The following TCERG1L variants were observed in gnomAD, a reference collection of about 807,000 sequenced individuals.
TCERG1L encodes the protein transcription elongation regulator 1-like protein.
A neutral mutation model predicts 56.3 loss-of-function variants in TCERG1L; 37 were observed. The ratio of observed to expected loss-of-function variants is 0.66; its 90% confidence interval spans 0.51 to 0.87. TCERG1L has a LOEUF of 0.87. Among genes scored for constraint, TCERG1L ranks in the 40% least tolerant of loss-of-function variants. The probability of loss-of-function intolerance (pLI) is 0.00; values close to 1 mark genes in which losing one functional copy is unlikely to be tolerated. For synonymous variants in TCERG1L, 324 were observed against 326.3 expected, an observed-to-expected ratio of 0.99 and a Z score of 0.08; for missense variants, 799 against 774.2, an observed-to-expected ratio of 1.03 and a Z score of -0.38.
chr10:131,223,474 C>G (rs1198331382), intron 4 of TCERG1L, among the ~76,000 whole-genome samples: 1 of 152,166 alleles, frequency 6.6e-6, no homozygotes, highest in Non-Finnish European at 1.5e-5. Flanking sequence ...TTTGGGTCCA[C>G]CCTTTCCTAT....
chr10:131,288,222 C>T (rs1053551096), intron 3 of TCERG1L, among the ~76,000 whole-genome samples: 3 of 152,184 alleles, frequency 2.0e-5, no homozygotes, highest in Admixed American at 2.0e-4. Flanking sequence ...CTCCCCCCAA[C>T]TCTCTAAGGA....
In TCERG1L at chr10:131,166,817, C is replaced by T; in HGVS notation, c.925G>A (p.Asp309Asn). 6.2e-7 allele frequency: 1 copy of T among 1,613,940 alleles called. No homozygotes were observed. The highest frequency in any genetic ancestry group is 8.5e-7 in the Non-Finnish European group (1 of 1,179,904). The change falls in exon 5 of 12, where the codon GAT becomes AAT. Residue 309 changes from aspartate to asparagine, a missense_variant. By Grantham distance (23) the Asp-to-Asn change is conservative. Coordinates refer to ENST00000368642, the MANE Select transcript of TCERG1L (RefSeq NM_174937.4). ...CTGACCTTGTCTTCTTTGTCTCCATCCCGGCTCTTCTGGGCCCGCAGCATC... is the reference window on the plus strand; with the variant it reads ...CTGACCTTGTCTTCTTTGTCTCCATTCCGGCTCTTCTGGGCCCGCAGCATC... ...ALMLRAQKSR[D>N]GDKEDKEPPP...
At chr10:131,248,292 C>T (rs1183367578) in intron 4 of TCERG1L, among the ~76,000 whole-genome samples, 1 of 152,156 alleles carries the variant, frequency 6.6e-6, no homozygotes, top group Non-Finnish European at 1.5e-5. Flanking sequence ...CACACACACA[C>T]ACACGACACA....
intron 4 of TCERG1L, among the ~76,000 whole-genome samples, chr10:131,220,814 G>C (rs572575009): frequency 6.6e-6 from 1 of 152,354 alleles, no homozygotes; most frequent in South Asian, 2.1e-4. Context: ...GGGGGTGGGG[G>C]TGGAGAGCAG....
chr10:131,095,945 G>A (rs1345444646), intron 11 of TCERG1L, among the ~76,000 whole-genome samples: 1 of 152,202 alleles, frequency 6.6e-6, no homozygotes, highest in Admixed American at 6.5e-5. Context: ...ATGGGAAGGG[G>A]AGTATGTGGC....
rs1179630343 is a variant in TCERG1L, at chr10:131,311,539, G to A, written c.97C>T (p.Pro33Ser). 1.7e-6 allele frequency: 2 copies of A among 1,194,106 alleles called. No homozygotes were observed. Among genetic ancestry groups the A allele is most frequent in the Admixed American group, 4.3e-5 (1 of 23,092 alleles). 74.0% of individuals were successfully genotyped at this position (1,194,106 alleles called of 1,614,324 possible). A position where few individuals can be genotyped will look rare whatever the true frequency, so the allele number is the denominator to read the frequency against. The change falls in exon 1 of 12, where the codon CCG (proline) becomes TCG (serine). Residue 33 changes from proline to serine, a missense_variant. Coordinates refer to ENST00000368642, the MANE Select transcript of TCERG1L (RefSeq NM_174937.4). This position sits in a 1 kb window ranked among gnomAD's most constrained non-coding sequence, Gnocchi z 4.0. ...CAGACCCAGGGCGGCGGCGGCGGCG[G>A]CTCTGCGTCCATCGGCCAGAGGAGA... The part of the protein sequence containing the change: ...QPLLWPMDAE[P>S]PPPPPWVWMV...
chr10:131,224,863 C>G (rs1412921275), intron 4 of TCERG1L, among the ~76,000 whole-genome samples: 2 of 151,664 alleles, frequency 1.3e-5, no homozygotes, highest in Non-Finnish European at 2.9e-5. Flanking sequence ...ACACTTTATA[C>G]TCTAATTAGC....
chr10:131,096,113 C>T (rs192899326), intron 11 of TCERG1L, among the ~76,000 whole-genome samples: 9 of 152,330 alleles, frequency 5.9e-5, no homozygotes, highest in African/African-American at 1.7e-4. Context: ...CCATCCTCCT[C>T]GTCACTTTCT....
intron 6 of TCERG1L, chr10:131,161,900 G>C (rs1845981070): frequency 6.6e-6 from 1 of 152,256 alleles, no homozygotes; most frequent in Admixed American, 6.5e-5. Flanking sequence ...CTTACCCTGA[G>C]CATTGCTTCC....
At chr10:131,243,526 T>TGCACTCCA (rs1257816746) in intron 4 of TCERG1L, among the ~76,000 whole-genome samples, 1 of 152,176 alleles carries the variant, frequency 6.6e-6, no homozygotes, top group Non-Finnish European at 1.5e-5. Flanking sequence ...ATTGCGCCAC[T>TGCACTCCA]GCACTCCAGC....
intron 3 of TCERG1L, among the ~76,000 whole-genome samples, chr10:131,287,734 C>T (rs1304619134): frequency 6.6e-6 from 1 of 152,196 alleles, no homozygotes; most frequent in African/African-American, 2.4e-5. Context: ...AGATACCACA[C>T]AAGCAGCAGC....
intron 4 of TCERG1L, among the ~76,000 whole-genome samples, chr10:131,256,972 GGAAGGAAGGAAGGAAGGAAGGAAA>G (rs1846170351): frequency 3.2e-5 from 2 of 62,820 alleles, no homozygotes; most frequent in Non-Finnish European, 7.2e-5. Context: ...AAGGAAGGAA[GGAAGGAAGGAAGGAAGGAAGGAAA>G]GAAAGAAAGA....
At chr10:131,238,245 G>A (rs1440568592) in intron 4 of TCERG1L, among the ~76,000 whole-genome samples, 1 of 152,214 alleles carries the variant, frequency 6.6e-6, no homozygotes, top group Non-Finnish European at 1.5e-5. Context: ...CAGCCATCTC[G>A]TTAAGGAATC....
At chr10:131,261,633 G>GAC in intron 3 of TCERG1L, among the ~76,000 whole-genome samples, 1 of 152,254 alleles carries the variant, frequency 6.6e-6, no homozygotes, top group African/African-American at 2.4e-5. Flanking sequence ...CAGTCAACCA[G>GAC]TCTTTATTTA....
At chr10:131,187,373 A>C (rs1464063541) in intron 4 of TCERG1L, among the ~76,000 whole-genome samples, 2 of 152,182 alleles carry the variant, frequency 1.3e-5, no homozygotes, top group Non-Finnish European at 2.9e-5. Context: ...AGAGCTGAGA[A>C]GTTTGCCCTC....
At chr10:131,237,541 T>C (rs1049228399) in intron 4 of TCERG1L, among the ~76,000 whole-genome samples, 1 of 152,242 alleles carries the variant, frequency 6.6e-6, no homozygotes, top group South Asian at 2.1e-4. Context: ...GCTAGTTTAA[T>C]AATTCAGTTG....
intron 4 of TCERG1L, among the ~76,000 whole-genome samples, chr10:131,221,261 C>A (rs959868357): frequency 3.9e-5 from 6 of 152,206 alleles, no homozygotes; most frequent in African/African-American, 1.4e-4. Context: ...CCCTGGCCGT[C>A]CAGGAAAGGC....
chr10:131,281,929 G>C (rs1202691318), intron 3 of TCERG1L, among the ~76,000 whole-genome samples: 2 of 152,030 alleles, frequency 1.3e-5, no homozygotes, highest in African/African-American at 4.8e-5. Context: ...GAGGTCAGGA[G>C]ATCGAGACCA....
intron 4 of TCERG1L, among the ~76,000 whole-genome samples, chr10:131,218,290 A>G (rs1047760103): frequency 3.3e-5 from 5 of 152,186 alleles, no homozygotes; most frequent in African/African-American, 1.2e-4. Flanking sequence ...TGACATGGAT[A>G]GAAATGCTGT....
Sources: gnomAD v4.1 joint callset for allele counts (sites outside exome capture counted in the v4.1 genomes callset) on GRCh38, gnomAD v4.1.1 for gene constraint, Gnocchi (gnomAD v3.1) non-coding constraint, MANE v1.5 for transcripts, NCBI Gene and HGNC (gene_info 2026-07-23, HGNC 2026-07-21) for gene names.